The following KIAA1217 variants were observed in gnomAD, a reference collection of about 807,000 sequenced individuals.
The protein encoded by KIAA1217 is KIAA1217, also known as sickle tail protein homolog.
Under a neutral mutation model 163.9 loss-of-function variants are expected in KIAA1217, and 88 were observed. The observed-to-expected ratio is 0.54, with a 90% CI of 0.45 to 0.64. The LOEUF (loss-of-function observed/expected upper bound fraction) is 0.64, where lower values mean the gene tolerates loss of function less well. Ranked by LOEUF, KIAA1217 falls within the 30% of genes least tolerant of loss-of-function variation. The pLI is 0.00. For missense variants in KIAA1217, 2,372 were observed against 2,475.0 expected (o/e 0.96, Z 0.88); for synonymous variants, 903 against 923.1 (o/e 0.98, Z 0.39).
intron 2 of KIAA1217, among the ~76,000 whole-genome samples, chr10:24,184,495 A>G (rs2066328551): frequency 6.6e-6 from 1 of 152,234 alleles, no homozygotes; most frequent in Non-Finnish European, 1.5e-5. Flanking sequence ...CAAATAAGCT[A>G]TCATTTGTGC....
chr10:24,358,734 G>A (rs2049467485), intron 2 of KIAA1217, among the ~76,000 whole-genome samples: 1 of 152,124 alleles, frequency 6.6e-6, no homozygotes, highest in Non-Finnish European at 1.5e-5. Flanking sequence ...TATATGACAG[G>A]TTTGCTTTGC....
At chr10:23,927,121 G>T (rs77474480) in intron 1 of KIAA1217, among the ~76,000 whole-genome samples, 1 of 151,644 alleles carries the variant, frequency 6.6e-6, no homozygotes, top group Admixed American at 6.6e-5. Flanking sequence ...TGTCCAGGCT[G>T]ATCTTGAACT....
At chr10:24,278,769 T>G (rs1207243313) in intron 2 of KIAA1217, among the ~76,000 whole-genome samples, 2 of 152,114 alleles carry the variant, frequency 1.3e-5, no homozygotes, top group African/African-American at 2.4e-5. Flanking sequence ...GCCACTCACT[T>G]CCTTGTTTTT....
chr10:24,225,218 T>C (rs1012034961), intron 2 of KIAA1217, among the ~76,000 whole-genome samples: 2 of 152,194 alleles, frequency 1.3e-5, no homozygotes, highest in African/African-American at 4.8e-5. Context: ...CTTGAACTCC[T>C]GGGCTCAAGT....
chr10:24,319,700 G>A lies in KIAA1217; in HGVS notation c.355-61169G>A, dbSNP rs2043892032. On this transcript the variant is annotated intron_variant, in intron 2 of 20. Coordinates refer to ENST00000376454, the MANE Select transcript of KIAA1217 (RefSeq NM_019590.5). ...AAGCCTTGAAGACCACCCCAGGGGT[G>A]CGCCTTAGCAACGCACTTATGCAAG... 2.6e-5 allele frequency among the ~76,000 whole-genome samples: 4 copies of A among 152,334 alleles called. No individual in the cohort carries two copies. The South Asian group carries it at 6.2e-4, about 24-fold the overall frequency.
intron 1 of KIAA1217, among the ~76,000 whole-genome samples, chr10:23,903,635 A>G (rs1178040221): frequency 6.6e-6 from 1 of 152,096 alleles, no homozygotes; most frequent in Admixed American, 6.5e-5. Context: ...TCCTACAGGT[A>G]TAGGACAGGG....
chr10:23,772,636 T>C (rs1834846909), intron 1 of KIAA1217, among the ~76,000 whole-genome samples: 1 of 152,182 alleles, frequency 6.6e-6, no homozygotes, highest in African/African-American at 2.4e-5. Flanking sequence ...CTCTGTATTA[T>C]ACGATGTCAT....
At chr10:24,258,359 T>G (rs938351103) in intron 2 of KIAA1217, among the ~76,000 whole-genome samples, 3 of 152,092 alleles carry the variant, frequency 2.0e-5, no homozygotes, top group Non-Finnish European at 2.9e-5. Flanking sequence ...CGGGACATAT[T>G]TGAAATCCTC....
intron 3 of KIAA1217, among the ~76,000 whole-genome samples, chr10:24,404,134 T>C (rs902948323): frequency 1.1e-4 from 17 of 152,280 alleles, no homozygotes; most frequent in African/African-American, 4.1e-4. Flanking sequence ...ATTTTTTGTA[T>C]TTATTTTAGA....
chr10:23,951,527 C>A (rs765297489), intron 1 of KIAA1217, among the ~76,000 whole-genome samples: 9 of 152,064 alleles, frequency 5.9e-5, no homozygotes, highest in Admixed American at 2.6e-4. Flanking sequence ...GTGGTGCACA[C>A]CTGTAGTTCC....
rs548638340 is a variant in KIAA1217, at chr10:23,832,642, C to T, written c.-321+137408C>T. Among the ~76,000 whole-genome samples, 34 of 152,198 alleles carry T rather than the reference C, an allele frequency of 2.2e-4. 1 individual carries two copies. Among genetic ancestry groups the T allele is most frequent in the African/African-American group, 8.2e-4 (34 of 41,536 alleles). Reference sequence around the variant, plus strand: ...ATTATGCAAAAGAAGACTCATTATTCCACAGATTACAAGGGTTTTAGGAGC... The same window carrying T: ...ATTATGCAAAAGAAGACTCATTATTTCACAGATTACAAGGGTTTTAGGAGC... On this transcript the variant is annotated intron_variant, in intron 1 of 18. Coordinates refer to the KIAA1217 transcript ENST00000376462.
chr10:24,496,898 G>T (rs764609633), intron 8 of KIAA1217, among the ~76,000 whole-genome samples: 3 of 152,166 alleles, frequency 2.0e-5, no homozygotes, highest in Non-Finnish European at 4.4e-5. Flanking sequence ...GGAATCGGTG[G>T]GTCCAAAGGG....
upstream of KIAA1217, among the ~76,000 whole-genome samples, chr10:24,207,089 G>T (rs567297678): frequency 2.6e-5 from 4 of 152,270 alleles, no homozygotes; most frequent in East Asian, 7.7e-4. Flanking sequence ...GGCTGCCAAC[G>T]GCTGTGGCAG....
At chr10:23,783,304 C>T (rs1160724026) in intron 1 of KIAA1217, among the ~76,000 whole-genome samples, 1 of 152,174 alleles carries the variant, frequency 6.6e-6, no homozygotes, top group Non-Finnish European at 1.5e-5. Flanking sequence ...ACAGGTTGGA[C>T]AACCTTGATT....
chr10:24,088,035 G>C (rs1322039547), intron 2 of KIAA1217, among the ~76,000 whole-genome samples: 1 of 123,240 alleles, frequency 8.1e-6, no homozygotes, highest in Non-Finnish European at 2.0e-5. Flanking sequence ...CCTTTCTCTG[G>C]GCTTACTGGG....
intron 1 of KIAA1217, among the ~76,000 whole-genome samples, chr10:23,944,675 C>T (rs1433301549): frequency 6.6e-6 from 1 of 152,120 alleles, no homozygotes; most frequent in African/African-American, 2.4e-5. Context: ...AGATTAACAA[C>T]ACCAACTATA....
At chr10:24,442,912 T>A (rs1369373694) in intron 5 of KIAA1217, among the ~76,000 whole-genome samples, 1 of 59,366 alleles carries the variant, frequency 1.7e-5, no homozygotes, top group Non-Finnish European at 3.6e-5. Flanking sequence ...TTTTGTGGGA[T>A]TTTTTTTTTT....
chr10:24,301,620 G>A (rs1488907396), intron 2 of KIAA1217, among the ~76,000 whole-genome samples: 2 of 152,154 alleles, frequency 1.3e-5, no homozygotes, highest in African/African-American at 4.8e-5. Context: ...GATCACTTCA[G>A]CTGAAAGTGG....
At position 23,750,285 on chromosome 10, in the gene KIAA1217, A is replaced by G. The variant is rs115404059; in HGVS notation, c.-321+55051A>G. Among the ~76,000 whole-genome samples, 493 of 152,306 alleles carry G rather than the reference A, an allele frequency of 3.2e-3. 1 individual carries two copies. Among genetic ancestry groups the G allele is most frequent in the African/African-American group, 0.011 (469 of 41,556 alleles). ...TAAAAGTCTAAATGTTTTGTCATGG[A>G]ATATGCAACCCTTCAAAATGTAACC... On this transcript the variant is annotated intron_variant, in intron 1 of 18. Coordinates refer to the KIAA1217 transcript ENST00000376462.
Sources: gnomAD v4.1 joint callset for allele counts (sites outside exome capture counted in the v4.1 genomes callset) on GRCh38, gnomAD v4.1.1 for gene constraint, MANE v1.5 for transcripts, NCBI Gene and HGNC (gene_info 2026-07-23, HGNC 2026-07-21) for gene names.